Variants in SLC9C1 observed in about 807,000 individuals in gnomAD.
SLC9C1 encodes solute carrier family 9 member C1.
In SLC9C1, 97 loss-of-function variants were observed where a neutral mutation model predicts 140.9. That is an observed-to-expected ratio of 0.69 (90% CI 0.58 to 0.82). The LOEUF is 0.82. SLC9C1 is among the 40% of genes least tolerant of loss of function. SLC9C1 has a pLI of 0.00. For missense variants in SLC9C1, 1,340 were observed against 1,389.3 expected (o/e 0.96, Z 0.56); for synonymous variants, 440 against 442.6 (o/e 0.99, Z 0.07).
rs558401625 is a variant in SLC9C1, at chr3:112,199,184, T to A, written c.2523+137A>T. 3.4e-5 allele frequency: 23 copies of A among 669,518 alleles called. No homozygotes were observed. In the East Asian group the frequency reaches 7.5e-4, roughly 22 times the overall value. The allele number at this position is 669,518 out of a possible 1,614,324, so 41.5% of individuals were successfully genotyped here. Reference sequence around the variant, plus strand: ...GAAGGAAACTGTCTATCATAGGAGTTTGTCTTCAGAAAATTATTTTAAGTG... The same window carrying A: ...GAAGGAAACTGTCTATCATAGGAGTATGTCTTCAGAAAATTATTTTAAGTG... On this transcript the variant is annotated intron_variant, in intron 20 of 28. Coordinates refer to ENST00000305815, the MANE Select transcript of SLC9C1 (RefSeq NM_183061.3).
chr3:112,195,797 A>G (rs1200941046), intron 20 of SLC9C1, among the ~76,000 whole-genome samples: 2 of 152,112 alleles, frequency 1.3e-5, no homozygotes, highest in Admixed American at 6.5e-5. Flanking sequence ...TTACATCTTT[A>G]TACATTGTGT....
At chr3:112,152,355 C>T (rs2075009391) in intron 27 of SLC9C1, among the ~76,000 whole-genome samples, 1 of 152,128 alleles carries the variant, frequency 6.6e-6, no homozygotes, top group African/African-American at 2.4e-5. Flanking sequence ...TTATGTTTGA[C>T]TTTACACAAA....
chr3:112,200,750 G>T lies in SLC9C1; in HGVS notation c.2335C>A (p.Gln779Lys). ...SKQIKQMLLK[Q>K]VIRNMEHAIK... Reference sequence around the variant, plus strand: ...GCATGTTCCATATTCCTTATCACTTGCTTTAATAACATCTAAGGAACAAAA... The same window carrying T: ...GCATGTTCCATATTCCTTATCACTTTCTTTAATAACATCTAAGGAACAAAA... Residue 779 changes from glutamine (Q) to lysine (K), a missense_variant, in exon 19 of 29, where the codon CAA becomes AAA. Transcript: ENST00000305815. The T allele has an allele frequency of 2.5e-6, 4 of 1,608,310 alleles. No homozygotes were observed. Among genetic ancestry groups the T allele is most frequent in the Non-Finnish European group, 3.4e-6 (4 of 1,177,426 alleles).
intron 5 of SLC9C1, among the ~76,000 whole-genome samples, chr3:112,277,196 T>G (rs1234371218): frequency 6.6e-6 from 1 of 152,186 alleles, no homozygotes; most frequent in Non-Finnish European, 1.5e-5. Context: ...TAGATTTTTC[T>G]TAAGATACTA....
chr3:112,173,649 GTA>G, intron 23 of SLC9C1, among the ~76,000 whole-genome samples: 1 of 152,268 alleles, frequency 6.6e-6, no homozygotes, highest in South Asian at 2.1e-4. Context: ...TCCATGGTGT[GTA>G]TGTACCACAT....
chr3:112,164,562 G>A (rs1195537543), intron 26 of SLC9C1, among the ~76,000 whole-genome samples: 1 of 149,320 alleles, frequency 6.7e-6, no homozygotes, highest in Admixed American at 6.7e-5. Context: ...GAAATTCTGG[G>A]TTGAAAATTC....
chr3:112,149,657 A>G (rs2074902743), intron 28 of SLC9C1, among the ~76,000 whole-genome samples: 1 of 152,064 alleles, frequency 6.6e-6, no homozygotes, highest in African/African-American at 2.4e-5. Context: ...GGTATTCCAA[A>G]TGCCTGGAGG....
intron 1 of SLC9C1, among the ~76,000 whole-genome samples, chr3:112,290,238 A>G (rs1469222857): frequency 6.6e-6 from 1 of 152,202 alleles, no homozygotes; most frequent in Non-Finnish European, 1.5e-5. Flanking sequence ...ACACATTCCT[A>G]CATGCTTTCT....
At chr3:112,293,227 G>T (rs1207545139) in intron 1 of SLC9C1, among the ~76,000 whole-genome samples, 2 of 152,050 alleles carry the variant, frequency 1.3e-5, no homozygotes, top group East Asian at 3.9e-4. Context: ...AGTGAGCCTA[G>T]ATTGTGCCAC....
intron 12 of SLC9C1, among the ~76,000 whole-genome samples, chr3:112,237,185 C>CT (rs1258751983): frequency 6.6e-6 from 1 of 152,132 alleles, no homozygotes; most frequent in African/African-American, 2.4e-5. Flanking sequence ...AGAGTTAGCT[C>CT]TTTTTGTTGA....
chr3:112,182,101 A>G, intron 21 of SLC9C1, 32 bp downstream of exon 21: 1 of 1,377,740 alleles, frequency 7.3e-7, no homozygotes, highest in Non-Finnish European at 9.7e-7. Flanking sequence ...TAGTACATTA[A>G]AAATATTATT....
At chr3:112,250,433 T>A (rs1462270234) in intron 10 of SLC9C1, among the ~76,000 whole-genome samples, 1 of 135,276 alleles carries the variant, frequency 7.4e-6, no homozygotes, top group Non-Finnish European at 1.6e-5. Context: ...TACCTAGTAA[T>A]GGGATGGCTG....
chr3:112,174,042 G>C (rs73218085), intron 23 of SLC9C1, among the ~76,000 whole-genome samples: 2,193 of 152,194 alleles, frequency 0.014, 16 homozygotes, highest in Non-Finnish European at 0.023. Context: ...GTTAGTGATC[G>C]TCAGAATTTT....
intron 26 of SLC9C1, among the ~76,000 whole-genome samples, chr3:112,162,478 G>A (rs1423037155): frequency 6.6e-6 from 1 of 152,204 alleles, no homozygotes; most frequent in Non-Finnish European, 1.5e-5. Flanking sequence ...TTTTTAGCAT[G>A]AAGGGTTGTT....
At chr3:112,193,038 G>A (rs1179083565) in intron 20 of SLC9C1, among the ~76,000 whole-genome samples, 1 of 152,122 alleles carries the variant, frequency 6.6e-6, no homozygotes, top group East Asian at 1.9e-4. Flanking sequence ...AGAATGCATT[G>A]GCTTTGGATC....
In SLC9C1 at chr3:112,161,944, C is replaced by G. The variant is rs532709122; in HGVS notation, c.3364+5277G>C. Among the ~76,000 whole-genome samples, 7 of 151,634 alleles carry G rather than the reference C, an allele frequency of 4.6e-5. No homozygotes were observed. In the East Asian group the frequency reaches 5.8e-4, roughly 13 times the overall value. ...ATTTGTTTGTATCCTCTTTTATTTCCTTGAGCAGTGGTTTGTAGTTCTCCG... is the reference window on the plus strand; with the variant it reads ...ATTTGTTTGTATCCTCTTTTATTTCGTTGAGCAGTGGTTTGTAGTTCTCCG... On this transcript the variant is annotated intron_variant, in intron 26 of 28. Coordinates refer to ENST00000305815, the MANE Select transcript of SLC9C1 (RefSeq NM_183061.3).
chr3:112,159,855 C>A (rs557651417), intron 26 of SLC9C1, among the ~76,000 whole-genome samples: 6 of 151,830 alleles, frequency 4.0e-5, no homozygotes, highest in African/African-American at 1.2e-4. Context: ...GATTTAAGGT[C>A]CATTTTATCT....
At chr3:112,275,091 G>T (rs556373407) in intron 5 of SLC9C1, 66 bp from the exon 6 acceptor site, 3 of 1,461,832 alleles carry the variant, frequency 2.1e-6, no homozygotes, top group South Asian at 2.8e-5. Context: ...AAATGTTAAA[G>T]AATACAATTT....
intron 26 of SLC9C1, among the ~76,000 whole-genome samples, chr3:112,156,585 T>G (rs983081764): frequency 1.1e-4 from 16 of 152,130 alleles, no homozygotes; most frequent in Admixed American, 8.5e-4. Context: ...AGTTTATTTT[T>G]TTTTAAAGAA....
Sources: gnomAD v4.1 joint callset for allele counts (sites outside exome capture counted in the v4.1 genomes callset) on GRCh38, gnomAD v4.1.1 for gene constraint, MANE v1.5 for transcripts, NCBI Gene and HGNC (gene_info 2026-07-23, HGNC 2026-07-21) for gene names.